SLC14A2: variants seen among roughly 807,000 people sequenced by gnomAD.
The protein encoded by SLC14A2 is urea transporter 2.
In SLC14A2, 91 loss-of-function variants were observed where a neutral mutation model predicts 104.6. That is an observed-to-expected ratio of 0.87 (90% confidence interval 0.73 to 1.04). The LOEUF (loss-of-function observed/expected upper bound fraction) is 1.04. Among genes scored for constraint, SLC14A2 ranks in the 50% least tolerant of loss-of-function variants. The pLI is 0.00. For synonymous variants in SLC14A2, 476 were observed against 466.4 expected (o/e 1.02, Z -0.27); for missense variants, 1,189 against 1,156.0 (o/e 1.03, Z -0.41).
intron 2 of SLC14A2, chr18:45,529,353 GAAACCCTATATGAA>G (rs1352051199): frequency 1.3e-5 from 2 of 152,188 alleles, no homozygotes; most frequent in Admixed American, 1.3e-4. Context: ...TACTGCATAT[GAAACCCTATATGAA>G]AAATCATGTG....
chr18:45,648,583 A>T (rs1379306170), intron 10 of SLC14A2, among the ~76,000 whole-genome samples: 6 of 151,924 alleles, frequency 3.9e-5, no homozygotes. Flanking sequence ...ATATTTTCTT[A>T]TCCCTTTGTT....
At chr18:45,578,531 A>G (rs1262099835) in intron 2 of SLC14A2, among the ~76,000 whole-genome samples, 1 of 152,216 alleles carries the variant, frequency 6.6e-6, no homozygotes. Context: ...AAAAGAGCCA[A>G]GGAGTAAGAA....
chr18:45,478,316 A>C (rs779015425), intron 1 of SLC14A2, among the ~76,000 whole-genome samples: 1 of 152,136 alleles, frequency 6.6e-6, no homozygotes, highest in Non-Finnish European at 1.5e-5. Context: ...GGCTGGATCC[A>C]CTGTCTAACC....
chr18:45,285,673 C>G (rs1019026312), intron 1 of SLC14A2, among the ~76,000 whole-genome samples: 6 of 145,120 alleles, frequency 4.1e-5, no homozygotes, highest in South Asian at 2.3e-4. Context: ...CCCCCCCCCC[C>G]CTCGGCCTCC....
chr18:45,679,853 T>C (rs566426058), intron 19 of SLC14A2, among the ~76,000 whole-genome samples: 7 of 152,344 alleles, frequency 4.6e-5, no homozygotes, highest in African/African-American at 1.4e-4. Flanking sequence ...TGGGCTTCAT[T>C]GTATTTGTGC....
intron 2 of SLC14A2, among the ~76,000 whole-genome samples, chr18:45,593,033 T>A (rs530720806): frequency 2.6e-5 from 4 of 152,234 alleles, no homozygotes; most frequent in African/African-American, 9.6e-5. Context: ...AAATAACATG[T>A]GAGGCCGGGC....
chr18:45,334,345 A>T (rs2085317730), intron 1 of SLC14A2, among the ~76,000 whole-genome samples: 1 of 152,174 alleles, frequency 6.6e-6, no homozygotes, highest in African/African-American at 2.4e-5. Context: ...CACTGGAGAC[A>T]TTGGGGATGT....
chr18:45,670,660 G>A (rs954619865), intron 16 of SLC14A2, among the ~76,000 whole-genome samples: 4 of 152,066 alleles, frequency 2.6e-5, no homozygotes, highest in Non-Finnish European at 4.4e-5. Flanking sequence ...TCGATTTTGG[G>A]GTTTCTGTTT....
At chr18:45,648,568 T>G (rs1328991863) in intron 10 of SLC14A2, among the ~76,000 whole-genome samples, 1 of 152,176 alleles carries the variant, frequency 6.6e-6, no homozygotes, top group Non-Finnish European at 1.5e-5. Context: ...CCTTCTTTCT[T>G]TCTGATATTT....
intron 1 of SLC14A2, among the ~76,000 whole-genome samples, chr18:45,320,188 T>A (rs1249837313): frequency 1.3e-5 from 2 of 152,246 alleles, no homozygotes; most frequent in Non-Finnish European, 2.9e-5. Flanking sequence ...CTTTATCTCT[T>A]GTTTCCTGGA....
At chr18:45,582,689 T>A (rs1216915639) in intron 2 of SLC14A2, among the ~76,000 whole-genome samples, 1 of 152,140 alleles carries the variant, frequency 6.6e-6, no homozygotes, top group African/African-American at 2.4e-5. Flanking sequence ...GACCATGTGC[T>A]CTCCCACCAC....
At chr18:45,473,121 T>C (rs1257274954) in intron 1 of SLC14A2, among the ~76,000 whole-genome samples, 1 of 152,250 alleles carries the variant, frequency 6.6e-6, no homozygotes, top group African/African-American at 2.4e-5. Flanking sequence ...CAACACCATT[T>C]ATTAAATAGG....
chr18:45,395,375 G>A lies in SLC14A2; in HGVS notation c.-124-87858G>A, dbSNP rs183526637. Among the ~76,000 whole-genome samples, 678 of 152,264 alleles carry A rather than the reference G, an allele frequency of 4.5e-3. 3 individuals carry two copies. Among genetic ancestry groups the A allele is most frequent in the Non-Finnish European group, 7.0e-3 (475 of 68,012 alleles). ...GAAGAGTGGTGGTTGTCAGAGTCTG[G>A]AGGAAGCCTCCATTTGGAGGCTGAG... On this transcript the variant is annotated intron_variant, in intron 1 of 20. Coordinates refer to the SLC14A2 transcript ENST00000586448.
At chr18:45,192,636 G>GTGT in the SLC14A2 span, among the ~76,000 whole-genome samples, 28 of 112,752 alleles carry the variant, frequency 2.5e-4, no homozygotes, top group Admixed American at 9.3e-4. Context: ...GTGTGTGTGT[G>GTGT]GTTTTTTTTT....
intron 1 of SLC14A2, among the ~76,000 whole-genome samples, chr18:45,226,267 C>T (rs1242552992): frequency 1.3e-5 from 2 of 152,154 alleles, no homozygotes; most frequent in Non-Finnish European, 2.9e-5. Flanking sequence ...GTGGTGATTC[C>T]TCAAGGATCT....
intron 1 of SLC14A2, among the ~76,000 whole-genome samples, chr18:45,436,118 G>A (rs1366385878): frequency 6.6e-6 from 1 of 152,252 alleles, no homozygotes; most frequent in South Asian, 2.1e-4. Flanking sequence ...ACATTTGGGG[G>A]TACCACCTTT....
chr18:45,251,878 G>C (rs536371958), intron 1 of SLC14A2, among the ~76,000 whole-genome samples: 1 of 152,164 alleles, frequency 6.6e-6, no homozygotes, highest in African/African-American at 2.4e-5. Flanking sequence ...AGCAAATAGA[G>C]TATCTATGCA....
At chr18:45,444,765 A>T (rs1364313939) in intron 1 of SLC14A2, among the ~76,000 whole-genome samples, 2 of 152,206 alleles carry the variant, frequency 1.3e-5, no homozygotes, top group African/African-American at 4.8e-5. Flanking sequence ...GGCGAGCCGC[A>T]CAGGTAGGTG....
rs1056674285 is a variant in SLC14A2, at chr18:45,299,825, C to A, written c.-125+86634C>A. ...GCAACACCAAGTCCTCTCCACTCCC[C>A]ATTTCTTGTCTCAAGTCCTGGCCTG... is the stretch of plus-strand genomic sequence containing the variant. On this transcript the variant is annotated intron_variant, in intron 1 of 20. Transcript: ENST00000586448. Among the ~76,000 whole-genome samples the A allele has an allele frequency of 4.6e-5, 7 of 152,212 alleles. No individual in the cohort carries two copies. The East Asian group carries it at 1.3e-3, about 29-fold the overall frequency.
Sources: allele counts gnomAD v4.1 joint callset (sites outside exome capture counted in the v4.1 genomes callset), GRCh38; gene constraint gnomAD v4.1.1; transcripts MANE v1.5; gene names NCBI Gene and HGNC (gene_info 2026-07-23, HGNC 2026-07-21).